MAP3K4: variants seen among roughly 807,000 people sequenced by gnomAD.
The protein encoded by MAP3K4 is MAP three kinase 1.
MAP3K4 carries 67 observed loss-of-function variants against 185.6 expected under a neutral mutation model. That is an observed-to-expected ratio of 0.36 (90% CI 0.30 to 0.44). The LOEUF (loss-of-function observed/expected upper bound fraction) is 0.44, where lower values mean the gene tolerates loss of function less well. Among genes scored for constraint, MAP3K4 ranks in the 20% least tolerant of loss-of-function variants. MAP3K4 has a pLI of 1.00. For missense variants in MAP3K4, 1,551 were observed against 1,995.1 expected (o/e 0.78, Z 4.24); for synonymous variants, 702 against 710.4 (o/e 0.99, Z 0.19).
At chr6:161,023,485 G>A (rs1263052672) in intron 1 of MAP3K4, among the ~76,000 whole-genome samples, 2 of 152,198 alleles carry the variant, frequency 1.3e-5, no homozygotes, top group African/African-American at 2.4e-5. Context: ...TTCTCCATGA[G>A]GATGGAAGAG....
intron 5 of MAP3K4, among the ~76,000 whole-genome samples, chr6:161,078,994 A>G (rs1290674988): frequency 3.3e-5 from 5 of 151,982 alleles, no homozygotes; most frequent in Non-Finnish European, 7.4e-5. Context: ...CTGGTGGATC[A>G]CCTGATGTCA....
At position 161,110,046 on chromosome 6, in the gene MAP3K4, C is replaced by T. The variant is rs1778276517; in HGVS notation, c.4396+132C>T. On this transcript the variant is annotated intron_variant, in intron 23 of 26. Coordinates refer to ENST00000392142, the MANE Select transcript of MAP3K4 (RefSeq NM_005922.4). This position sits in a 1 kb window ranked among gnomAD's most constrained non-coding sequence, Gnocchi z 4.8. ...TGGAAATACCTTTCATTGAAATACG[C>T]CTCTATAAGGATCCTGTATTCAGAA... 1 of 916,668 alleles carries T rather than the reference C, an allele frequency of 1.1e-6. No homozygotes were observed. The highest frequency in any genetic ancestry group is 1.6e-5 in the South Asian group (1 of 62,164). 56.8% of individuals were successfully genotyped at this position (916,668 alleles called of 1,614,324 possible).
chr6:160,994,263 A>C (rs1780888644), intron 1 of MAP3K4, among the ~76,000 whole-genome samples: 1 of 152,094 alleles, frequency 6.6e-6, no homozygotes, highest in Admixed American at 6.5e-5. Context: ...TGTACACTGT[A>C]CCAAATATGT....
chr6:161,116,801 GCA>G lies in MAP3K4; in HGVS notation c.4807-43_4807-42del. 6.3e-7 allele frequency: 1 copy of G among 1,593,910 alleles called. No individual in the cohort carries two copies. The highest frequency in any genetic ancestry group is 1.1e-5 in the South Asian group (1 of 90,588). ...AGACTCATACTGCGCGTATGCACAA[GCA>G]CACACCTGGCTCTGCAAGAGCTCAG... On this transcript the variant is annotated intron_variant, in intron 26 of 26. Coordinates refer to ENST00000392142, the MANE Select transcript of MAP3K4 (RefSeq NM_005922.4). This position sits in a 1 kb window ranked among gnomAD's most constrained non-coding sequence, Gnocchi z 6.2.
At chr6:161,033,576 T>C (rs1783026537) in intron 1 of MAP3K4, among the ~76,000 whole-genome samples, 2 of 152,322 alleles carry the variant, frequency 1.3e-5, no homozygotes, top group African/African-American at 4.8e-5. Context: ...GTGGTTTTTT[T>C]CTTCCCAATT....
At position 161,070,685 on chromosome 6, in the gene MAP3K4, A is replaced by C; in HGVS notation, c.1785A>C (p.Lys595Asn). 1.2e-6 allele frequency: 2 copies of C among 1,614,084 alleles called. No homozygotes were observed. Among genetic ancestry groups the C allele is most frequent in the Non-Finnish European group, 8.5e-7 (1 of 1,180,010 alleles). ...LSRTPPSSEE[K>N]CSAVSWEELK... The stretch of plus-strand genomic sequence containing the variant: ...GGACACCACCTTCATCTGAGGAGAA[A>C]TGCAGTGCTGTGTCGTGGGAGGAGC... Residue 595 changes from lysine to asparagine, a missense_variant, in exon 4 of 27, where the codon AAA becomes AAC. Around this residue, in one of 16 missense-constraint regions of MAP3K4, gnomAD observed 86 missense variants for 81.6 expected, o/e 1.05. Transcript: ENST00000392142. This position sits in a 1 kb window ranked among gnomAD's most constrained non-coding sequence, Gnocchi z 4.5.
rs754985612 is a variant in MAP3K4 at position 161,112,814 on chromosome 6, G to A, written c.4626+40G>A. 1 of 1,405,486 alleles carries A rather than the reference G, an allele frequency of 7.1e-7. No individual in the cohort carries two copies. The highest frequency in any genetic ancestry group is 1.4e-5 in the South Asian group (1 of 70,124). The allele number at this position is 1,405,486 out of a possible 1,614,324, so 87.1% of individuals were successfully genotyped here. Reference sequence around the variant, plus strand: ...CACACCTGGCGGAGCAACTTCAGAAGGGCACTGTGCATTAACAGAACAGTA... The same window carrying A: ...CACACCTGGCGGAGCAACTTCAGAAAGGCACTGTGCATTAACAGAACAGTA... On this transcript the variant is annotated intron_variant, in intron 25 of 26. Transcript: ENST00000392142. The surrounding 1 kb of genome is among the most constrained non-coding windows in gnomAD (Gnocchi z 5.1).
intron 3 of MAP3K4, among the ~76,000 whole-genome samples, chr6:161,059,227 C>T (rs1413305028): frequency 2.0e-5 from 3 of 152,020 alleles, no homozygotes; most frequent in Non-Finnish European, 4.4e-5. Flanking sequence ...CCTCCACCTC[C>T]CAAGTTCCAG....
At chr6:161,089,229 T>C (rs538724847) in intron 10 of MAP3K4, 93 bp from the exon 11 acceptor site, 2 of 1,350,770 alleles carry the variant, frequency 1.5e-6, no homozygotes, top group Non-Finnish European at 1.0e-6. Context: ...CTGGTATCCC[T>C]GAGATTGGCA....
chr6:161,059,382 C>T (rs1036762984), intron 3 of MAP3K4, among the ~76,000 whole-genome samples: 2 of 152,174 alleles, frequency 1.3e-5, no homozygotes, highest in African/African-American at 4.8e-5. Flanking sequence ...AGTGATCTGC[C>T]TGCCTTGGTC....
rs1778513527 is a variant in MAP3K4 at position 161,114,685 on chromosome 6, T to C, written c.4627-438T>C. On this transcript the variant is annotated intron_variant, in intron 25 of 26. Coordinates refer to ENST00000392142, the MANE Select transcript of MAP3K4 (RefSeq NM_005922.4). The surrounding 1 kb of genome is among the most constrained non-coding windows in gnomAD (Gnocchi z 4.3). ...CATAATGAAATAAGCTTTGCACTAA[T>C]GCAATTTTTATTTTTCAATAAGGTA... 6.6e-6 allele frequency among the ~76,000 whole-genome samples: 1 copy of C among 152,246 alleles called. No individual in the cohort carries two copies. The highest frequency in any genetic ancestry group is 2.4e-5 in the African/African-American group (1 of 41,466).
At chr6:161,113,123 A>G (rs528519045) in intron 25 of MAP3K4, among the ~76,000 whole-genome samples, 1 of 152,350 alleles carries the variant, frequency 6.6e-6, no homozygotes, top group East Asian at 1.9e-4. Context: ...CATAATTACC[A>G]AAACTTGGAA....
At position 161,075,534 on chromosome 6, in the gene MAP3K4, C is replaced by T. The variant is rs929975371; in HGVS notation, c.2097+1922C>T. Among the ~76,000 whole-genome samples the T allele has an allele frequency of 1.3e-5, 2 of 152,192 alleles. No individual in the cohort carries two copies. Among genetic ancestry groups the T allele is most frequent in the Admixed American group, 6.5e-5 (1 of 15,268 alleles). On this transcript the variant is annotated intron_variant, in intron 5 of 26. Coordinates refer to ENST00000392142, the MANE Select transcript of MAP3K4 (RefSeq NM_005922.4). The surrounding 1 kb of genome is among the most constrained non-coding windows in gnomAD (Gnocchi z 4.3). ...AAGCAACAAGCAAATTATTATTTTT[C>T]TCTCTTTATGGGTAACTAAACCAGA... is the stretch of plus-strand genomic sequence containing the variant.
chr6:161,026,405 G>A (rs1161012813), intron 1 of MAP3K4, among the ~76,000 whole-genome samples: 2 of 152,046 alleles, frequency 1.3e-5, no homozygotes, highest in Non-Finnish European at 2.9e-5. Flanking sequence ...AAAGTGCTGG[G>A]ATTACAGGCA....
rs1173631597 is a variant in MAP3K4 at position 161,109,760 on chromosome 6, A to G, written c.4242A>G (p.Glu1414=). Residue 1414 remains glutamate, a synonymous_variant, in exon 23 of 27, where the codon GAA becomes GAG. Coordinates refer to ENST00000392142, the MANE Select transcript of MAP3K4 (RefSeq NM_005922.4). The surrounding 1 kb of genome is among the most constrained non-coding windows in gnomAD (Gnocchi z 5.7). ...GCCCTTTATTCCTCCCACAGGAAGA[A>G]ATGTACATCTTCATGGAGTACTGCG... is the stretch of plus-strand genomic sequence containing the variant. ...RYFGVELHRE[E]MYIFMEYCDE... 1 of 1,614,046 alleles carries G rather than the reference A, an allele frequency of 6.2e-7. No homozygotes were observed. Among genetic ancestry groups the G allele is most frequent in the Non-Finnish European group, 8.5e-7 (1 of 1,180,024 alleles).
At chr6:161,069,637 T>G (rs1007180430) in intron 3 of MAP3K4, among the ~76,000 whole-genome samples, 2 of 152,124 alleles carry the variant, frequency 1.3e-5, no homozygotes, top group Admixed American at 6.5e-5. Flanking sequence ...GCAGCAACAA[T>G]TACTGTCTGC....
In MAP3K4 at chr6:161,106,524, T is replaced by C; in HGVS notation, c.3867T>C (p.Ser1289=). The C allele has an allele frequency of 1.9e-6, 3 of 1,608,106 alleles. No individual in the cohort carries two copies. The highest frequency in any genetic ancestry group is 3.3e-4 in the Middle Eastern group (2 of 6,010). The part of the protein sequence containing the change: ...TLISQSKDTA[S]KLGPIEAIQK... ...TGGTTCTCTCTGCAGATACTGCTTCTAAACTAGGACCCATAGAAGCTATCC... is the reference window on the plus strand; with the variant it reads ...TGGTTCTCTCTGCAGATACTGCTTCCAAACTAGGACCCATAGAAGCTATCC... The change falls in exon 20 of 27, where the codon TCT becomes TCC. Residue 1289 remains serine (S), a synonymous_variant. Transcript: ENST00000392142. This position sits in a 1 kb window ranked among gnomAD's most constrained non-coding sequence, Gnocchi z 4.9.
intron 3 of MAP3K4, among the ~76,000 whole-genome samples, chr6:161,069,920 C>T (rs1409037640): frequency 6.6e-6 from 1 of 151,756 alleles, no homozygotes; most frequent in African/African-American, 2.4e-5. Context: ...CCCAACATTC[C>T]AGATCCCCTA....
rs144657508 is a variant in MAP3K4, at chr6:161,007,756, T to C, written c.152+15673T>C. 5.3e-5 allele frequency among the ~76,000 whole-genome samples: 8 copies of C among 152,324 alleles called. No individual in the cohort carries two copies. Among genetic ancestry groups the C allele is most frequent in the East Asian group, 1.9e-4 (1 of 5,190 alleles). On this transcript the variant is annotated intron_variant, in intron 1 of 26. Transcript: ENST00000392142. This position sits in a 1 kb window ranked among gnomAD's most constrained non-coding sequence, Gnocchi z 4.5. ...AGTAAGGTCATGCTTATTTAACTTA[T>C]AGATATTGAGCTTTTAGAGAGTAAT...
Sources: gnomAD v4.1 joint callset for allele counts (sites outside exome capture counted in the v4.1 genomes callset) on GRCh38, gnomAD v4.1.1 for gene constraint, gnomAD v4.1.1 regional missense constraint, Gnocchi (gnomAD v3.1) non-coding constraint, MANE v1.5 for transcripts, NCBI Gene and HGNC (gene_info 2026-07-23, HGNC 2026-07-21) for gene names.